The following SEMA5A variants were observed in gnomAD, a reference collection of about 807,000 sequenced individuals.
SEMA5A encodes the protein semaphorin-5A.
In SEMA5A, 55 loss-of-function variants were observed where a neutral mutation model predicts 135.5. The ratio of observed to expected loss-of-function variants is 0.41; its 90% CI spans 0.33 to 0.51. The LOEUF (loss-of-function observed/expected upper bound fraction) is 0.51, where lower values mean the gene tolerates loss of function less well. Among genes scored for constraint, SEMA5A ranks in the 20% least tolerant of loss-of-function variants. The pLI, the probability that SEMA5A is intolerant of heterozygous loss-of-function variation, is 0.37. For missense variants in SEMA5A, 1,290 were observed against 1,419.9 expected, an observed-to-expected ratio of 0.91 and a Z score of 1.47; for synonymous variants, 580 against 546.5, an observed-to-expected ratio of 1.06 and a Z score of -0.85.
rs1743638372 is a variant in SEMA5A at position 9,166,874 on chromosome 5, C to T, written c.1274-12179G>A. 2.6e-5 allele frequency among the ~76,000 whole-genome samples: 4 copies of T among 152,200 alleles called. No individual in the cohort carries two copies. In the South Asian group the frequency reaches 8.3e-4, roughly 31 times the overall value. ...AATTCAAGTTTCTGAAAGGAAATTA[C>T]TTGCCTTAGATTTATTGTATCTAAA... On this transcript the variant is annotated intron_variant, in intron 11 of 22. Coordinates refer to ENST00000382496, the MANE Select transcript of SEMA5A (RefSeq NM_003966.3).
chr5:9,224,192 C>T (rs1368812710), intron 8 of SEMA5A, among the ~76,000 whole-genome samples: 1 of 152,162 alleles, frequency 6.6e-6, no homozygotes, highest in Non-Finnish European at 1.5e-5. Context: ...CTACTAACTT[C>T]TAAGTATGTG....
At chr5:9,109,987 T>C (rs1384980457) in intron 15 of SEMA5A, among the ~76,000 whole-genome samples, 1 of 152,096 alleles carries the variant, frequency 6.6e-6, no homozygotes, top group African/African-American at 2.4e-5. Flanking sequence ...ATGTGTGGGC[T>C]TCAGGAACAG....
At chr5:9,413,360 A>G (rs1202135801) in intron 2 of SEMA5A, among the ~76,000 whole-genome samples, 3 of 152,170 alleles carry the variant, frequency 2.0e-5, no homozygotes, top group Non-Finnish European at 2.9e-5. Context: ...GAAATAACAC[A>G]CCTGGATTCT....
intron 10 of SEMA5A, among the ~76,000 whole-genome samples, chr5:9,195,869 T>C (rs1310431105): frequency 1.3e-5 from 2 of 152,248 alleles, no homozygotes; most frequent in African/African-American, 4.8e-5. Flanking sequence ...CTTCTACCAC[T>C]GATTAATAAT....
intron 1 of SEMA5A, among the ~76,000 whole-genome samples, chr5:9,540,084 A>C (rs1269948606): frequency 1.3e-5 from 2 of 152,204 alleles, no homozygotes; most frequent in Non-Finnish European, 2.9e-5. Flanking sequence ...ACTCTATTGC[A>C]GTCTATACTA....
intron 1 of SEMA5A, among the ~76,000 whole-genome samples, chr5:9,515,172 T>C (rs1419898536): frequency 1.3e-5 from 2 of 152,170 alleles, no homozygotes; most frequent in African/African-American, 4.8e-5. Flanking sequence ...CATTTACCCT[T>C]GTGATCAAGT....
intron 3 of SEMA5A, among the ~76,000 whole-genome samples, chr5:9,341,863 A>G (rs1753669796): frequency 6.6e-6 from 1 of 151,722 alleles, no homozygotes; most frequent in African/African-American, 2.4e-5. Flanking sequence ...ACATTCATTG[A>G]TTCTTAGTTG....
chr5:9,464,218 C>T (rs1759170277), intron 1 of SEMA5A, among the ~76,000 whole-genome samples: 1 of 152,132 alleles, frequency 6.6e-6, no homozygotes. Flanking sequence ...TGTGTTAGAT[C>T]CATTTAATAG....
At chr5:9,231,966 A>T (rs973405682) in intron 6 of SEMA5A, among the ~76,000 whole-genome samples, 1 of 152,144 alleles carries the variant, frequency 6.6e-6, no homozygotes. Flanking sequence ...AAAATGACCC[A>T]TGTGGGCCTG....
At chr5:9,489,350 T>C (rs900836853) in intron 1 of SEMA5A, among the ~76,000 whole-genome samples, 4 of 152,144 alleles carry the variant, frequency 2.6e-5, no homozygotes, top group African/African-American at 9.7e-5. Flanking sequence ...CTAATTAAAA[T>C]TATGCAAAAG....
At chr5:9,114,580 G>C (rs902437470) in intron 15 of SEMA5A, among the ~76,000 whole-genome samples, 6 of 152,152 alleles carry the variant, frequency 3.9e-5, no homozygotes, top group Non-Finnish European at 5.9e-5. Flanking sequence ...TGCCAAAACT[G>C]CTACCTTTGT....
At chr5:9,254,433 G>C (rs1258141190) in intron 5 of SEMA5A, among the ~76,000 whole-genome samples, 2 of 152,158 alleles carry the variant, frequency 1.3e-5, no homozygotes, top group African/African-American at 2.4e-5. Flanking sequence ...AGAGACGTAT[G>C]CTTGCTGAAA....
Position 9,315,300 on chromosome 5 carries a change from T to A in SEMA5A, c.270+3072A>T, listed in dbSNP as rs901302262. ...ATAACAATTTTAAAAGCTATTTTGA[T>A]ATAAGTTACAGAAATGATATCCATT... On this transcript the variant is annotated intron_variant, in intron 5 of 22. Coordinates refer to ENST00000382496, the MANE Select transcript of SEMA5A (RefSeq NM_003966.3). Among the ~76,000 whole-genome samples the A allele has an allele frequency of 2.0e-5, 3 of 152,200 alleles. No individual in the cohort carries two copies. The East Asian group carries it at 5.8e-4, about 29-fold the overall frequency.
At chr5:9,514,060 G>C (rs1001685666) in intron 1 of SEMA5A, among the ~76,000 whole-genome samples, 1 of 152,152 alleles carries the variant, frequency 6.6e-6, no homozygotes, top group African/African-American at 2.4e-5. Context: ...AGGAGAATCT[G>C]TTTCCTTCCT....
chr5:9,169,008 TC>T (rs1194222680), intron 11 of SEMA5A, among the ~76,000 whole-genome samples: 6 of 152,150 alleles, frequency 3.9e-5, no homozygotes, highest in Non-Finnish European at 8.8e-5. Context: ...AACTGGAACC[TC>T]CTTAAAGTTA....
intron 1 of SEMA5A, among the ~76,000 whole-genome samples, chr5:9,499,125 C>T (rs915939217): frequency 6.6e-6 from 1 of 152,144 alleles, no homozygotes; most frequent in African/African-American, 2.4e-5. Flanking sequence ...CCTGGTGGAA[C>T]AAGGGAGATG....
intron 3 of SEMA5A, among the ~76,000 whole-genome samples, chr5:9,368,128 G>A (rs142665010): frequency 6.6e-6 from 1 of 152,156 alleles, no homozygotes; most frequent in Non-Finnish European, 1.5e-5. Flanking sequence ...TTTCATTAAA[G>A]ATAATCTTGG....
chr5:9,357,019 T>C (rs936227475), intron 3 of SEMA5A, among the ~76,000 whole-genome samples: 1 of 152,224 alleles, frequency 6.6e-6, no homozygotes, highest in African/African-American at 2.4e-5. Context: ...CCATTCCTTC[T>C]GAAAAATCAT....
At chr5:9,258,908 G>A (rs904998793) in intron 5 of SEMA5A, among the ~76,000 whole-genome samples, 3 of 134,164 alleles carry the variant, frequency 2.2e-5, no homozygotes, top group Non-Finnish European at 3.1e-5. Context: ...TCTGCCTCCT[G>A]GGTTCAAGCG....
Sources: gnomAD v4.1 joint callset for allele counts (sites outside exome capture counted in the v4.1 genomes callset) on GRCh38, gnomAD v4.1.1 for gene constraint, MANE v1.5 for transcripts, NCBI Gene and HGNC (gene_info 2026-07-23, HGNC 2026-07-21) for gene names.